GLT1D1: variants seen among roughly 807,000 people sequenced by gnomAD.
GLT1D1 encodes glycosyltransferase 1 domain-containing protein 1.
GLT1D1 carries 21 observed loss-of-function variants against 28.7 expected under a neutral mutation model. The ratio of observed to expected loss-of-function variants is 0.73; its 90% CI spans 0.52 to 1.05. The LOEUF is 1.05. Among genes scored for constraint, GLT1D1 ranks in the 50% least tolerant of loss-of-function variants. GLT1D1 has a pLI of 0.00. For missense variants in GLT1D1, 343 were observed against 330.6 expected, an observed-to-expected ratio of 1.04 and a Z score of -0.29; for synonymous variants, 147 against 124.8, an observed-to-expected ratio of 1.18 and a Z score of -1.19.
chr12:128,969,971 T>C (rs902673487), intron 7 of GLT1D1, among the ~76,000 whole-genome samples: 5 of 152,152 alleles, frequency 3.3e-5, no homozygotes, highest in African/African-American at 1.2e-4. Flanking sequence ...CCCCTGCCTC[T>C]GCCTGTGTGC....
intron 7 of GLT1D1, among the ~76,000 whole-genome samples, chr12:128,976,660 A>C (rs561053076): frequency 6.6e-6 from 1 of 152,334 alleles, no homozygotes; most frequent in South Asian, 2.1e-4. Flanking sequence ...AAATAAGTAT[A>C]TATCACTTGC....
intron 1 of GLT1D1, among the ~76,000 whole-genome samples, chr12:128,867,168 C>T (rs1271360384): frequency 6.6e-6 from 1 of 150,722 alleles, no homozygotes; most frequent in African/African-American, 2.4e-5. Context: ...CCGAGGCGGG[C>T]GGATCACCTG....
At chr12:128,861,750 A>C (rs1012021557) in intron 1 of GLT1D1, among the ~76,000 whole-genome samples, 1 of 152,084 alleles carries the variant, frequency 6.6e-6, no homozygotes, top group Non-Finnish European at 1.5e-5. Flanking sequence ...AAAGGAGAGA[A>C]AGCGAAGGAA....
At chr12:128,968,188 G>C (rs1190949713) in intron 7 of GLT1D1, among the ~76,000 whole-genome samples, 1 of 151,718 alleles carries the variant, frequency 6.6e-6, no homozygotes, top group Non-Finnish European at 1.5e-5. Context: ...GTAGAGATGG[G>C]GTTTCACAGT....
intron 7 of GLT1D1, among the ~76,000 whole-genome samples, chr12:128,980,037 C>T (rs1322410458): frequency 7.2e-5 from 11 of 152,384 alleles, no homozygotes; most frequent in South Asian, 4.1e-4. Context: ...TTAAGCTGAA[C>T]CATCATAAGT....
At position 128,983,111 on chromosome 12, in the gene GLT1D1, C is replaced by T. The variant is rs773016021; in HGVS notation, c.*21C>T. 6.2e-7 allele frequency: 1 copy of T among 1,609,232 alleles called. No individual in the cohort carries two copies. Among genetic ancestry groups the T allele is most frequent in the East Asian group, 2.2e-5 (1 of 44,878 alleles). On this transcript the variant is annotated 3_prime_UTR_variant, in exon 8 of 8. Transcript: ENST00000281703. The surrounding 1 kb of genome is among the most constrained non-coding windows in gnomAD (Gnocchi z 4.7). ...ATTGAGGGCCCCGCCTCATCAGACA[C>T]CTGCTCTCTGACACACAGCTCTGGG...
At chr12:128,958,655 C>A (rs1307617544) in intron 7 of GLT1D1, among the ~76,000 whole-genome samples, 1 of 133,012 alleles carries the variant, frequency 7.5e-6, no homozygotes, top group South Asian at 2.4e-4. Context: ...GAGGCCAAGG[C>A]AGGATAATCA....
intron 1 of GLT1D1, among the ~76,000 whole-genome samples, chr12:128,866,309 T>A (rs1331683869): frequency 6.6e-6 from 1 of 151,482 alleles, no homozygotes; most frequent in East Asian, 1.9e-4. Context: ...GACCTCGTGA[T>A]CCACCCGCCT....
intron 7 of GLT1D1, among the ~76,000 whole-genome samples, chr12:128,960,308 G>C (rs1877804258): frequency 6.6e-6 from 1 of 152,052 alleles, no homozygotes; most frequent in African/African-American, 2.4e-5. Context: ...TTTTCTTTAC[G>C]GTCTTCTTCC....
At chr12:128,948,978 G>A (rs1287571383) in intron 6 of GLT1D1, among the ~76,000 whole-genome samples, 1 of 145,280 alleles carries the variant, frequency 6.9e-6, no homozygotes, top group Non-Finnish European at 1.6e-5. Context: ...TTTGTAACGT[G>A]ATCATCCTCA....
At chr12:128,948,519 C>T (rs1876361090) in intron 6 of GLT1D1, among the ~76,000 whole-genome samples, 1 of 152,134 alleles carries the variant, frequency 6.6e-6, no homozygotes, top group African/African-American at 2.4e-5. Context: ...CATTGATGGG[C>T]ACGTGATAAA....
intron 4 of GLT1D1, among the ~76,000 whole-genome samples, chr12:128,906,032 G>A (rs1310023952): frequency 1.3e-5 from 2 of 151,576 alleles, no homozygotes; most frequent in East Asian, 3.9e-4. Context: ...TGGAGATAAG[G>A]TCTCACTGCG....
At chr12:128,956,027 C>T (rs1877238752) in intron 6 of GLT1D1, among the ~76,000 whole-genome samples, 4 of 151,372 alleles carry the variant, frequency 2.6e-5, no homozygotes, top group African/African-American at 9.7e-5. Flanking sequence ...GGCGTGATGG[C>T]GGGCGCCTGT....
intron 4 of GLT1D1, among the ~76,000 whole-genome samples, chr12:128,907,781 T>C (rs1455745854): frequency 1.3e-5 from 2 of 152,182 alleles, no homozygotes; most frequent in Non-Finnish European, 2.9e-5. Flanking sequence ...ACGCATCCAT[T>C]CCAGAGCATA....
At chr12:128,927,484 C>G (rs188440574) in intron 4 of GLT1D1, among the ~76,000 whole-genome samples, 2,006 of 109,150 alleles carry the variant, frequency 0.018, 41 homozygotes, top group African/African-American at 0.049. Context: ...GTGATCCACA[C>G]GCCTCGGCCT....
intron 4 of GLT1D1, among the ~76,000 whole-genome samples, chr12:128,902,567 G>T (rs1870402992): frequency 6.6e-6 from 1 of 151,356 alleles, no homozygotes; most frequent in Non-Finnish European, 1.5e-5. Context: ...CTGAGTTTGG[G>T]TGCAGTGTCC....
At chr12:128,933,211 G>T (rs775770852) in intron 4 of GLT1D1, among the ~76,000 whole-genome samples, 3 of 152,212 alleles carry the variant, frequency 2.0e-5, no homozygotes, top group Admixed American at 6.5e-5. Flanking sequence ...CTTTACCAAG[G>T]CCAGTTTCTA....
intron 6 of GLT1D1, among the ~76,000 whole-genome samples, chr12:128,956,653 C>T (rs562846254): frequency 2.5e-4 from 38 of 152,316 alleles, no homozygotes; most frequent in African/African-American, 8.9e-4. Flanking sequence ...TCTATCTACA[C>T]TTATTATATG....
chr12:128,936,568 T>C (rs1043749362), intron 4 of GLT1D1, among the ~76,000 whole-genome samples: 1 of 152,220 alleles, frequency 6.6e-6, no homozygotes, highest in African/African-American at 2.4e-5. Flanking sequence ...TTCTTTGATC[T>C]CTTAGCTCAA....
Sources: allele counts gnomAD v4.1 joint callset (sites outside exome capture counted in the v4.1 genomes callset), GRCh38; gene constraint gnomAD v4.1.1; non-coding constraint Gnocchi (gnomAD v3.1); transcripts MANE v1.5; gene names NCBI Gene and HGNC (gene_info 2026-07-23, HGNC 2026-07-21).